Variants in KCNJ6 observed in about 807,000 individuals in gnomAD.
KCNJ6 encodes the protein G protein-activated inward rectifier potassium channel 2.
In KCNJ6, 9 loss-of-function variants were observed where a neutral mutation model predicts 34.2. That is an observed-to-expected ratio of 0.26 (90% confidence interval 0.16 to 0.46). The LOEUF (loss-of-function observed/expected upper bound fraction) is 0.46. KCNJ6 is among the 20% of genes least tolerant of loss of function. KCNJ6 has a pLI of 1.00. For synonymous variants in KCNJ6, 196 were observed against 207.1 expected, an observed-to-expected ratio of 0.95 and a Z score of 0.46; for missense variants, 236 against 531.3, an observed-to-expected ratio of 0.44 and a Z score of 5.46.
intron 2 of KCNJ6, among the ~76,000 whole-genome samples, chr21:37,720,514 G>A (rs2054819462): frequency 6.6e-6 from 1 of 152,196 alleles, no homozygotes; most frequent in Non-Finnish European, 1.5e-5. Context: ...GGAGGAGGGT[G>A]TCCAGGAGGC....
chr21:37,724,845 T>G (rs563825594), intron 2 of KCNJ6, among the ~76,000 whole-genome samples: 20 of 152,200 alleles, frequency 1.3e-4, no homozygotes, highest in African/African-American at 4.8e-4. Context: ...AAAAAAATGA[T>G]GAGTCTTCTC....
At chr21:37,689,068 T>G (rs940419533) in intron 3 of KCNJ6, among the ~76,000 whole-genome samples, 4 of 152,194 alleles carry the variant, frequency 2.6e-5, no homozygotes, top group Admixed American at 2.6e-4. Flanking sequence ...TCAATGGATA[T>G]CTGAATGATG....
At chr21:37,656,151 G>T (rs1169889828) in intron 3 of KCNJ6, among the ~76,000 whole-genome samples, 1 of 152,290 alleles carries the variant, frequency 6.6e-6, no homozygotes, top group African/African-American at 2.4e-5. Context: ...ATACACCCCT[G>T]CTCCACAGGC....
chr21:37,672,245 T>C (rs1363367831), intron 3 of KCNJ6, among the ~76,000 whole-genome samples: 1 of 152,222 alleles, frequency 6.6e-6, no homozygotes, highest in Non-Finnish European at 1.5e-5. Flanking sequence ...CAAAGAAATA[T>C]AGCTTTAGCT....
intron 1 of KCNJ6, among the ~76,000 whole-genome samples, chr21:37,879,026 G>T (rs73423477): frequency 0.021 from 3,265 of 152,264 alleles, 130 homozygotes; most frequent in African/African-American, 0.074. Flanking sequence ...CTTCAGGGAG[G>T]TTTGTAAAGG....
rs2123348119 is a variant in KCNJ6 at position 37,611,930 on chromosome 21, A to T, written c.*13229T>A. 1 of 152,292 alleles carries T rather than the reference A, an allele frequency of 6.6e-6. No homozygotes were observed. The highest frequency in any genetic ancestry group is 1.5e-5 in the Non-Finnish European group (1 of 68,014). 9.4% of individuals were successfully genotyped at this position (152,292 alleles called of 1,614,324 possible). On this transcript the variant is annotated 3_prime_UTR_variant, in exon 4 of 4. Transcript: ENST00000609713. ...TGTCTCACTAAGATCAGGAAAAAAA[A>T]GGTGTCCCCATCACTACTGCTTTTC...
intron 2 of KCNJ6, among the ~76,000 whole-genome samples, chr21:37,819,118 C>T (rs1056873370): frequency 6.6e-6 from 1 of 152,096 alleles, no homozygotes; most frequent in East Asian, 1.9e-4. Flanking sequence ...GGATATTGGC[C>T]TTGGGTAGTT....
intron 2 of KCNJ6, among the ~76,000 whole-genome samples, chr21:37,720,998 C>T (rs2096501): frequency 0.25 from 37,719 of 151,956 alleles, 4,831 homozygotes; most frequent in East Asian, 0.36. Flanking sequence ...TGAGCCACCG[C>T]GCCCGGCCGA....
chr21:37,853,608 G>A (rs2055547980), intron 1 of KCNJ6, among the ~76,000 whole-genome samples: 1 of 151,886 alleles, frequency 6.6e-6, no homozygotes, highest in Non-Finnish European at 1.5e-5. Flanking sequence ...AACATGGAAA[G>A]AGAAAATATA....
intron 2 of KCNJ6, among the ~76,000 whole-genome samples, chr21:37,831,922 A>T (rs1171239950): frequency 6.6e-6 from 1 of 152,148 alleles, no homozygotes; most frequent in Non-Finnish European, 1.5e-5. Context: ...AGTAGAGGGA[A>T]GTAAGTACCA....
intron 1 of KCNJ6, among the ~76,000 whole-genome samples, chr21:37,894,142 A>T (rs1180306367): frequency 6.6e-6 from 1 of 152,220 alleles, no homozygotes; most frequent in Non-Finnish European, 1.5e-5. Flanking sequence ...AAGCTTATTT[A>T]TCCTTCTTTG....
At chr21:37,843,427 G>A (rs1438099892) in intron 1 of KCNJ6, among the ~76,000 whole-genome samples, 2 of 152,150 alleles carry the variant, frequency 1.3e-5, no homozygotes. Flanking sequence ...CATGACATAT[G>A]TTTTGGTGTA....
At chr21:37,758,608 G>C (rs1178324447) in intron 2 of KCNJ6, among the ~76,000 whole-genome samples, 1 of 152,152 alleles carries the variant, frequency 6.6e-6, no homozygotes, top group African/African-American at 2.4e-5. Context: ...AATAAGCCAA[G>C]TAAGGGATTG....
intron 2 of KCNJ6, among the ~76,000 whole-genome samples, chr21:37,786,690 G>A (rs549312204): frequency 3.3e-5 from 5 of 152,314 alleles, no homozygotes; most frequent in African/African-American, 1.2e-4. Context: ...GTCTTACAGC[G>A]AGATTCAGCA....
At chr21:37,704,060 T>C (rs1370929119) in intron 3 of KCNJ6, among the ~76,000 whole-genome samples, 2 of 152,238 alleles carry the variant, frequency 1.3e-5, no homozygotes. Flanking sequence ...GCTTAACAGA[T>C]ATGATCTCTC....
chr21:37,854,624 T>C (rs1409790585), intron 1 of KCNJ6, among the ~76,000 whole-genome samples: 2 of 152,206 alleles, frequency 1.3e-5, no homozygotes. Flanking sequence ...TATTTCAAAA[T>C]AGCTAGAAGA....
intron 2 of KCNJ6, among the ~76,000 whole-genome samples, chr21:37,838,443 T>A (rs1162027898): frequency 6.6e-6 from 1 of 152,232 alleles, no homozygotes; most frequent in African/African-American, 2.4e-5. Context: ...ACTGTTAGCA[T>A]CATAACTTAT....
At chr21:37,705,149 C>T (rs1238213412) in intron 3 of KCNJ6, among the ~76,000 whole-genome samples, 3 of 152,122 alleles carry the variant, frequency 2.0e-5, no homozygotes, top group Non-Finnish European at 2.9e-5. Flanking sequence ...TATCATTGAG[C>T]CATAGTTGTC....
chr21:37,724,331 A>G (rs1436523526), intron 2 of KCNJ6, among the ~76,000 whole-genome samples: 1 of 151,834 alleles, frequency 6.6e-6, no homozygotes, highest in African/African-American at 2.4e-5. Flanking sequence ...AAAAAAAAAA[A>G]CTTTTTACAA....
Sources: gnomAD v4.1 joint callset for allele counts (sites outside exome capture counted in the v4.1 genomes callset) on GRCh38, gnomAD v4.1.1 for gene constraint, MANE v1.5 for transcripts, NCBI Gene and HGNC (gene_info 2026-07-23, HGNC 2026-07-21) for gene names.